TMC1: variants seen among roughly 807,000 people sequenced by gnomAD.
The protein encoded by TMC1 is transmembrane channel like 1, also known as transmembrane channel-like protein 1.
Under a neutral mutation model 105.8 loss-of-function variants are expected in TMC1, and 84 were observed. The ratio of observed to expected loss-of-function variants is 0.79; its 90% CI spans 0.67 to 0.95. The LOEUF is 0.95. TMC1 is among the 40% of genes least tolerant of loss of function. The pLI, the probability that TMC1 is intolerant of heterozygous loss-of-function variation, is 0.00. For synonymous variants in TMC1, 315 were observed against 311.5 expected (o/e 1.01, Z -0.12); for missense variants, 817 against 914.1 (o/e 0.89, Z 1.37).
intron 2 of TMC1, among the ~76,000 whole-genome samples, chr9:72,614,667 T>C (rs1378401788): frequency 6.6e-6 from 1 of 152,184 alleles, no homozygotes; most frequent in Non-Finnish European, 1.5e-5. Flanking sequence ...TTAGACACCT[T>C]TTATTACAGG....
intron 1 of TMC1, among the ~76,000 whole-genome samples, chr9:72,559,956 C>A (rs1430492406): frequency 6.6e-6 from 1 of 152,132 alleles, no homozygotes; most frequent in African/African-American, 2.4e-5. Context: ...TATTTTGGAA[C>A]AATTGAAAGC....
intron 5 of TMC1, among the ~76,000 whole-genome samples, chr9:72,685,997 G>A (rs1826374490): frequency 6.6e-6 from 1 of 152,152 alleles, no homozygotes; most frequent in African/African-American, 2.4e-5. Flanking sequence ...TTTTCTGAAC[G>A]ACTCCTATGC....
intron 8 of TMC1, among the ~76,000 whole-genome samples, chr9:72,721,851 C>A (rs1032943303): frequency 2.0e-5 from 3 of 152,176 alleles, no homozygotes; most frequent in Non-Finnish European, 4.4e-5. Context: ...AGTCACTGTT[C>A]ATGCACTATA....
At chr9:72,589,650 G>C (rs1824604014) in intron 2 of TMC1, among the ~76,000 whole-genome samples, 2 of 152,118 alleles carry the variant, frequency 1.3e-5, no homozygotes, top group African/African-American at 2.4e-5. Flanking sequence ...TTGAGGAATA[G>C]CATAAATGGG....
chr9:72,593,615 C>T (rs373689669), intron 2 of TMC1, among the ~76,000 whole-genome samples: 5 of 151,736 alleles, frequency 3.3e-5, no homozygotes, highest in East Asian at 3.9e-4. Flanking sequence ...TGGTCTTGAA[C>T]GCCCGATCTC....
chr9:72,835,210 A>G (rs968351133), intron 23 of TMC1, among the ~76,000 whole-genome samples: 1 of 151,992 alleles, frequency 6.6e-6, no homozygotes, highest in Middle Eastern at 3.2e-3. Flanking sequence ...AATTCAATGT[A>G]TTTACCTCCG....
chr9:72,610,862 G>A (rs1207343159), intron 2 of TMC1, among the ~76,000 whole-genome samples: 1 of 152,212 alleles, frequency 6.6e-6, no homozygotes, highest in African/African-American at 2.4e-5. Flanking sequence ...GAAAAAGCAA[G>A]ATCTGGGATA....
chr9:72,773,938 T>C (rs1045211510), intron 13 of TMC1, among the ~76,000 whole-genome samples: 1 of 152,218 alleles, frequency 6.6e-6, no homozygotes, highest in Non-Finnish European at 1.5e-5. Context: ...AGAGGTGTAA[T>C]GGATGTGAGG....
intron 4 of TMC1, among the ~76,000 whole-genome samples, chr9:72,641,071 GACACTTA>G (rs1825620125): frequency 6.6e-6 from 1 of 152,114 alleles, no homozygotes; most frequent in African/African-American, 2.4e-5. Context: ...CTAAACCAAT[GACACTTA>G]TGTGGCAGTT....
At chr9:72,672,700 C>A (rs1193806390) in intron 5 of TMC1, among the ~76,000 whole-genome samples, 3 of 151,762 alleles carry the variant, frequency 2.0e-5, no homozygotes, top group Non-Finnish European at 4.4e-5. Flanking sequence ...ATACAGAAAA[C>A]CTCCAAAATA....
intron 5 of TMC1, among the ~76,000 whole-genome samples, chr9:72,664,872 C>T (rs1178351811): frequency 2.0e-5 from 3 of 152,278 alleles, no homozygotes; most frequent in Admixed American, 6.5e-5. Context: ...CTGCGGATGG[C>T]GGAGCTAAAA....
chr9:72,685,207 TA>T (rs1297448719), intron 5 of TMC1, among the ~76,000 whole-genome samples: 3 of 139,206 alleles, frequency 2.2e-5, no homozygotes, highest in East Asian at 4.5e-4. Flanking sequence ...CCCGGGTTCA[TA>T]CCATTCTCCT....
chr9:72,815,051 G>A (rs935176218), intron 18 of TMC1, among the ~76,000 whole-genome samples: 4 of 151,858 alleles, frequency 2.6e-5, no homozygotes, highest in Non-Finnish European at 4.4e-5. Context: ...TGTCTTTTTC[G>A]TGGTCTTCTT....
intron 1 of TMC1, among the ~76,000 whole-genome samples, chr9:72,527,374 C>A (rs1225724337): frequency 6.6e-6 from 1 of 152,126 alleles, no homozygotes; most frequent in Non-Finnish European, 1.5e-5. Context: ...ATTCTACCCG[C>A]CTCCCCGCAC....
At chr9:72,676,902 T>C (rs1040854333) in intron 5 of TMC1, among the ~76,000 whole-genome samples, 1 of 152,154 alleles carries the variant, frequency 6.6e-6, no homozygotes, top group African/African-American at 2.4e-5. Flanking sequence ...TGGAAACATT[T>C]GAAGAAATAT....
intron 8 of TMC1, among the ~76,000 whole-genome samples, chr9:72,716,159 G>T (rs553620522): frequency 6.6e-6 from 1 of 152,330 alleles, no homozygotes; most frequent in South Asian, 2.1e-4. Context: ...ACATCCACCA[G>T]ATACCAGCCA....
intron 18 of TMC1, among the ~76,000 whole-genome samples, chr9:72,806,409 C>G (rs1588092839): frequency 2.0e-5 from 3 of 150,456 alleles, no homozygotes; most frequent in African/African-American, 4.9e-5. Context: ...CTGACGCCCC[C>G]ACCTCCCTCC....
chr9:72,691,705 G>A (rs1009740195), intron 6 of TMC1, among the ~76,000 whole-genome samples: 1 of 152,026 alleles, frequency 6.6e-6, no homozygotes, highest in African/African-American at 2.4e-5. Flanking sequence ...TAGTCCCCAG[G>A]CATCAACAGT....
At chr9:72,740,344 A>G in intron 9 of TMC1, 135 bp downstream of exon 9, 2 of 669,024 alleles carry the variant, frequency 3.0e-6, no homozygotes. Context: ...TATACACAGT[A>G]TATCTGTGGT....
Sources: allele counts gnomAD v4.1 joint callset (sites outside exome capture counted in the v4.1 genomes callset), GRCh38; gene constraint gnomAD v4.1.1; transcripts MANE v1.5; gene names NCBI Gene and HGNC (gene_info 2026-07-23, HGNC 2026-07-21).